NDUFV2: variants seen among roughly 807,000 people sequenced by gnomAD.
The protein encoded by NDUFV2 is NADH:ubiquinone oxidoreductase core subunit V2.
NDUFV2 carries 18 observed loss-of-function variants against 31.6 expected under a neutral mutation model. That is an observed-to-expected ratio of 0.57 (90% confidence interval 0.39 to 0.84). The LOEUF is 0.84. Ranked by LOEUF, NDUFV2 falls within the 40% of genes least tolerant of loss-of-function variation. The pLI is 0.00. For missense variants in NDUFV2, 314 were observed against 303.6 expected, an observed-to-expected ratio of 1.03 and a Z score of -0.26; for synonymous variants, 83 against 99.8, an observed-to-expected ratio of 0.83 and a Z score of 1.01.
At chr18:9,132,258 G>C (rs1390160936) in intron 7 of NDUFV2, 1 of 152,188 alleles carries the variant, frequency 6.6e-6, no homozygotes, top group African/African-American at 2.4e-5. Context: ...GGAAACTTCA[G>C]TTTTTATAAT....
chr18:9,123,348 C>G (rs929548116), intron 5 of NDUFV2, among the ~76,000 whole-genome samples: 1 of 151,922 alleles, frequency 6.6e-6, no homozygotes, highest in African/African-American at 2.4e-5. Context: ...GGTATAAATC[C>G]TGATAACAAT....
intron 1 of NDUFV2, among the ~76,000 whole-genome samples, chr18:9,113,700 T>A: frequency 6.6e-6 from 1 of 152,358 alleles, no homozygotes; most frequent in African/African-American, 2.4e-5. Context: ...ATTTATAGAT[T>A]ACAGACATTG....
intron 2 of NDUFV2, among the ~76,000 whole-genome samples, chr18:9,118,747 C>A (rs1233334344): frequency 6.7e-6 from 1 of 148,256 alleles, no homozygotes; most frequent in Admixed American, 6.8e-5. Flanking sequence ...CCTGCTTCTG[C>A]TCTTTTAAGA....
intron 4 of NDUFV2, chr18:9,121,326 C>T (rs1436794072): frequency 1.3e-5 from 2 of 151,856 alleles, no homozygotes; most frequent in Non-Finnish European, 2.9e-5. Context: ...GTGCAGAATT[C>T]CAGGAAGGAG....
At position 9,122,617 on chromosome 18, in the gene NDUFV2, C is replaced by T. The variant is rs1356014805; in HGVS notation, c.405C>T (p.Cys135=). Residue 135 remains cysteine (C), a synonymous_variant, in exon 5 of 8, where the codon TGC becomes TGT. Transcript: ENST00000318388. ...TTGGAAAGTATCACATTCAGGTCTGCACTACTACACCCTGCATGCTTCGAA... is the reference window on the plus strand; with the variant it reads ...TTGGAAAGTATCACATTCAGGTCTGTACTACTACACCCTGCATGCTTCGAA... ...KPVGKYHIQV[C]TTTPCMLRNS... 1 of 1,613,894 alleles carries T rather than the reference C, an allele frequency of 6.2e-7. No homozygotes were observed. Among genetic ancestry groups the T allele is most frequent in the Non-Finnish European group, 8.5e-7 (1 of 1,179,946 alleles).
chr18:9,133,000 T>TA (rs1465308590), intron 7 of NDUFV2, among the ~76,000 whole-genome samples: 1 of 152,274 alleles, frequency 6.6e-6, no homozygotes, highest in East Asian at 1.9e-4. Flanking sequence ...ACTGCTTTTT[T>TA]ATCTGTTTTT....
rs778554027 is a variant in NDUFV2 at position 9,104,990 on chromosome 18, T to C, written c.54+2193T>C. 14 of 1,534,896 alleles carry C rather than the reference T, an allele frequency of 9.1e-6. No homozygotes were observed. In the African/African-American group the frequency reaches 1.3e-4, roughly 15 times the overall value. ...TACAAAAATGGAAAGGTATTTATAC[T>C]GTTTGGTAGCCTGCTCTTTTGTAAT... On this transcript the variant is annotated intron_variant, in intron 1 of 7. Transcript: ENST00000318388.
intron 7 of NDUFV2, among the ~76,000 whole-genome samples, chr18:9,131,645 A>C (rs1380280290): frequency 6.6e-6 from 1 of 152,208 alleles, no homozygotes; most frequent in Non-Finnish European, 1.5e-5. Flanking sequence ...AAACTTTTAT[A>C]AAGTAATTTG....
chr18:9,133,386 A>G (rs528487506), intron 7 of NDUFV2: 1 of 152,402 alleles, frequency 6.6e-6, no homozygotes, highest in South Asian at 2.1e-4. Flanking sequence ...GAGGTGAGCA[A>G]TTACCTGGGA....
At chr18:9,105,251 T>C (rs988053016) in intron 1 of NDUFV2, among the ~76,000 whole-genome samples, 1 of 152,252 alleles carries the variant, frequency 6.6e-6, no homozygotes, top group African/African-American at 2.4e-5. Flanking sequence ...TTCAAAGAAA[T>C]TGCCTAATCT....
chr18:9,105,077 G>A lies in NDUFV2; in HGVS notation c.54+2280G>A, dbSNP rs2077834969. ...TATACTGTCATTTTAATGCTACATA[G>A]CATTCCATTGTGAGGATGTTCTATT... On this transcript the variant is annotated intron_variant, in intron 1 of 7. Transcript: ENST00000318388. 1.6e-5 allele frequency: 20 copies of A among 1,267,370 alleles called. No homozygotes were observed. The South Asian group carries it at 4.0e-4, about 25-fold the overall frequency. 78.5% of individuals were successfully genotyped at this position (1,267,370 alleles called of 1,614,324 possible). A position where few individuals can be genotyped will look rare whatever the true frequency, so the allele number is the denominator to read the frequency against.
At chr18:9,129,100 C>T (rs889316067) in intron 7 of NDUFV2, among the ~76,000 whole-genome samples, 3 of 152,126 alleles carry the variant, frequency 2.0e-5, no homozygotes, top group Admixed American at 2.0e-4. Flanking sequence ...ACCACCATGC[C>T]CAGCTAATTT....
intron 1 of NDUFV2, among the ~76,000 whole-genome samples, chr18:9,114,748 C>A (rs2077889695): frequency 6.6e-6 from 1 of 152,174 alleles, no homozygotes; most frequent in South Asian, 2.1e-4. Context: ...TATCCTGACC[C>A]TTCTCAATCA....
chr18:9,133,724 A>C (rs1411407520), intron 7 of NDUFV2, among the ~76,000 whole-genome samples: 4 of 152,106 alleles, frequency 2.6e-5, no homozygotes. Flanking sequence ...ATAAAATTCA[A>C]CTCTAAAAAG....
At chr18:9,126,780 CGATATAAAA>C in intron 6 of NDUFV2, 42 bp from the exon 7 acceptor site, 2 of 1,460,500 alleles carry the variant, frequency 1.4e-6, no homozygotes, top group Non-Finnish European at 1.9e-6. Flanking sequence ...ATAAATATAT[CGATATAAAA>C]GAAAGTAATT....
chr18:9,118,815 G>GTTTTTTTT (rs71168030), intron 2 of NDUFV2, among the ~76,000 whole-genome samples: 3 of 76,748 alleles, frequency 3.9e-5, no homozygotes, highest in South Asian at 5.8e-4. Context: ...AGATGGTGCT[G>GTTTTTTTT]TTTTTTTTTT....
intron 1 of NDUFV2, among the ~76,000 whole-genome samples, chr18:9,105,214 G>A (rs1469089830): frequency 6.6e-6 from 1 of 152,188 alleles, no homozygotes; most frequent in Non-Finnish European, 1.5e-5. Flanking sequence ...TTTCCTAAAT[G>A]AGAAACCTTT....
intron 4 of NDUFV2, among the ~76,000 whole-genome samples, chr18:9,120,877 A>G (rs2077930320): frequency 6.6e-6 from 1 of 152,148 alleles, no homozygotes; most frequent in African/African-American, 2.4e-5. Flanking sequence ...ATTTTTAGTA[A>G]TGGTAAGCCT....
intron 7 of NDUFV2, among the ~76,000 whole-genome samples, chr18:9,132,009 C>T (rs1168808210): frequency 1.3e-5 from 2 of 151,790 alleles, no homozygotes; most frequent in East Asian, 3.9e-4. Flanking sequence ...TTTTTGTAGC[C>T]TTTGTAGTAT....
Sources: allele counts gnomAD v4.1 joint callset (sites outside exome capture counted in the v4.1 genomes callset), GRCh38; gene constraint gnomAD v4.1.1; transcripts MANE v1.5; gene names NCBI Gene and HGNC (gene_info 2026-07-23, HGNC 2026-07-21).